Variants in GFRAL observed in about 807,000 individuals in gnomAD.
GFRAL encodes GDNF family receptor alpha-like.
A neutral mutation model predicts 45.4 loss-of-function variants in GFRAL; 36 were observed. The ratio of observed to expected loss-of-function variants is 0.79; its 90% confidence interval spans 0.61 to 1.05. The LOEUF (loss-of-function observed/expected upper bound fraction) is 1.05, where lower values mean the gene tolerates loss of function less well. GFRAL is among the 50% of genes least tolerant of loss of function. The pLI is 0.00. For missense variants in GFRAL, 507 were observed against 467.5 expected (o/e 1.08, Z -0.78); for synonymous variants, 166 against 154.1 (o/e 1.08, Z -0.57).
chr6:55,337,093 C>T (rs1475084451), intron 3 of GFRAL, among the ~76,000 whole-genome samples: 8 of 152,016 alleles, frequency 5.3e-5, no homozygotes, highest in Non-Finnish European at 4.4e-5. Context: ...CTATCAAGTA[C>T]TAGAACTTAT....
intron 3 of GFRAL, among the ~76,000 whole-genome samples, chr6:55,341,473 G>T (rs150264564): frequency 0.013 from 1,988 of 152,312 alleles, 23 homozygotes; most frequent in Non-Finnish European, 0.022. Flanking sequence ...CTGACTGTTA[G>T]AAGGAAAACT....
chr6:55,357,143 G>C (rs1768206157), intron 5 of GFRAL, among the ~76,000 whole-genome samples: 1 of 151,878 alleles, frequency 6.6e-6, no homozygotes. Context: ...TCTGCGTGCT[G>C]AGGAGAATAA....
intron 6 of GFRAL, among the ~76,000 whole-genome samples, chr6:55,365,433 C>T (rs1233553301): frequency 2.6e-5 from 3 of 114,258 alleles, no homozygotes; most frequent in East Asian, 2.2e-4. Flanking sequence ...CCCTTTATTT[C>T]CTTCTCCTGC....
At chr6:55,364,386 G>T (rs1214744333) in intron 6 of GFRAL, among the ~76,000 whole-genome samples, 1 of 148,370 alleles carries the variant, frequency 6.7e-6, no homozygotes, top group Non-Finnish European at 1.5e-5. Context: ...CATTTTGTAG[G>T]TTGCCTGTTC....
intron 6 of GFRAL, among the ~76,000 whole-genome samples, chr6:55,377,322 T>C (rs1016298619): frequency 6.6e-6 from 1 of 152,030 alleles, no homozygotes; most frequent in Non-Finnish European, 1.5e-5. Context: ...CCATCACCAA[T>C]AACACATCAA....
At chr6:55,374,750 T>C (rs1768501383) in intron 6 of GFRAL, among the ~76,000 whole-genome samples, 1 of 152,144 alleles carries the variant, frequency 6.6e-6, no homozygotes, top group African/African-American at 2.4e-5. Flanking sequence ...AGGATTTTCA[T>C]AGTTTTGGGT....
rs1249244733 is a variant in GFRAL, at chr6:55,331,770, T to C, written c.78T>C (p.Tyr26=). 1 of 1,611,716 alleles carries C rather than the reference T, an allele frequency of 6.2e-7. No homozygotes were observed. Reference sequence around the variant, plus strand: ...CTTCCCAAACCAATAATTGCACATATTTAAGAGAGCAATGCTTACGTGATG... The same window carrying C: ...CTTCCCAAACCAATAATTGCACATACTTAAGAGAGCAATGCTTACGTGATG... ...EYTSQTNNCT[Y]LREQCLRDAN... is the part of the protein sequence containing the mutation. The change falls in exon 2 of 9, where the codon TAT becomes TAC. Residue 26 remains tyrosine (Y), a synonymous_variant. Transcript: ENST00000340465.
At chr6:55,363,509 C>T (rs1768306926) in intron 6 of GFRAL, among the ~76,000 whole-genome samples, 1 of 149,954 alleles carries the variant, frequency 6.7e-6, no homozygotes, top group Admixed American at 6.7e-5. Context: ...CATATGTATA[C>T]ATGTGCCATG....
intron 6 of GFRAL, among the ~76,000 whole-genome samples, chr6:55,396,384 T>A (rs1476009979): frequency 6.6e-6 from 1 of 152,212 alleles, no homozygotes; most frequent in African/African-American, 2.4e-5. Context: ...AAAGCCTTTT[T>A]TCTTTCAAAA....
chr6:55,387,472 T>C (rs1290006866), intron 6 of GFRAL, among the ~76,000 whole-genome samples: 3 of 152,204 alleles, frequency 2.0e-5, no homozygotes, highest in Non-Finnish European at 4.4e-5. Flanking sequence ...CCAAGTATTC[T>C]TGTGACAACA....
chr6:55,367,425 C>G (rs1306270332), intron 6 of GFRAL, among the ~76,000 whole-genome samples: 2 of 144,718 alleles, frequency 1.4e-5, no homozygotes, highest in African/African-American at 5.4e-5. Context: ...TTAATTGGAG[C>G]ATTTAGTCCA....
At chr6:55,331,118 A>G (rs1258647475) in intron 1 of GFRAL, among the ~76,000 whole-genome samples, 1 of 152,128 alleles carries the variant, frequency 6.6e-6, no homozygotes, top group Admixed American at 6.6e-5. Flanking sequence ...ACATTTGAGA[A>G]TCATCAGACT....
rs969675546 is a variant in GFRAL, at chr6:55,350,088, C to G, written c.317-4C>G. The G allele has an allele frequency of 6.7e-7, 1 of 1,497,044 alleles. No individual in the cohort carries two copies. The highest frequency in any genetic ancestry group is 2.3e-5 in the East Asian group (1 of 44,246). 92.7% of individuals were successfully genotyped at this position (1,497,044 alleles called of 1,614,324 possible). A position where few individuals can be genotyped will look rare whatever the true frequency, so the allele number is the denominator to read the frequency against. The stretch of plus-strand genomic sequence containing the variant: ...ATGAAATAATTTCTTTGTTTTCCTT[C>G]TAGATAACGTGAAAGAGGATAAATT... On this transcript the variant is annotated splice_region_variant and splice_polypyrimidine_tract_variant and intron_variant, in intron 3 of 8. Transcript: ENST00000340465.
intron 1 of GFRAL, among the ~76,000 whole-genome samples, chr6:55,328,139 T>G (rs1374442175): frequency 6.6e-6 from 1 of 151,944 alleles, no homozygotes; most frequent in Non-Finnish European, 1.5e-5. Flanking sequence ...AGAACTCAAG[T>G]GTGGACTTAC....
chr6:55,363,728 A>G (rs868205703), intron 6 of GFRAL, among the ~76,000 whole-genome samples: 1 of 150,704 alleles, frequency 6.6e-6, no homozygotes, highest in Admixed American at 6.6e-5. Flanking sequence ...GAGAATGATG[A>G]TTTCCAATTT....
At chr6:55,387,598 G>T (rs927307335) in intron 6 of GFRAL, among the ~76,000 whole-genome samples, 1 of 152,134 alleles carries the variant, frequency 6.6e-6, no homozygotes, top group African/African-American at 2.4e-5. Context: ...TAGAAAAAAA[G>T]AATGTTTGGT....
At chr6:55,331,979 G>A in intron 2 of GFRAL, 130 bp downstream of exon 2, 3 of 784,522 alleles carry the variant, frequency 3.8e-6, no homozygotes, top group East Asian at 3.0e-5. Flanking sequence ...GACCCCCATC[G>A]ATTCACTTTT....
At chr6:55,337,827 C>G (rs1053021748) in intron 3 of GFRAL, among the ~76,000 whole-genome samples, 1 of 152,026 alleles carries the variant, frequency 6.6e-6, no homozygotes, top group Non-Finnish European at 1.5e-5. Context: ...TGTGTCCTTT[C>G]AATTTTACTA....
In GFRAL at chr6:55,401,988, T is replaced by A. The variant is rs974554339; in HGVS notation, c.*135T>A. On this transcript the variant is annotated 3_prime_UTR_variant, in exon 9 of 9. Coordinates refer to ENST00000340465, the MANE Select transcript of GFRAL (RefSeq NM_207410.2). ...TCTGTTTCTTTTTCTTTTTCTTTTCTTTTTTGTGGCGGAGTTTTGCTCTTG... is the reference window on the plus strand; with the variant it reads ...TCTGTTTCTTTTTCTTTTTCTTTTCATTTTTGTGGCGGAGTTTTGCTCTTG... The A allele has an allele frequency of 1.7e-6, 1 of 584,548 alleles. No homozygotes were observed. The highest frequency in any genetic ancestry group is 2.9e-6 in the Non-Finnish European group (1 of 340,758). The allele number at this position is 584,548 out of a possible 1,614,324, so 36.2% of individuals were successfully genotyped here. A position where few individuals can be genotyped will look rare whatever the true frequency, so the allele number is the denominator to read the frequency against.
Sources: allele counts gnomAD v4.1 joint callset (sites outside exome capture counted in the v4.1 genomes callset), GRCh38; gene constraint gnomAD v4.1.1; transcripts MANE v1.5; gene names NCBI Gene and HGNC (gene_info 2026-07-23, HGNC 2026-07-21).